The following DAB1 variants were observed in gnomAD, a reference collection of about 807,000 sequenced individuals.
The protein encoded by DAB1 is DAB adaptor protein 1.
In DAB1, 15 loss-of-function variants were observed where a neutral mutation model predicts 64.6. That is an observed-to-expected ratio of 0.23 (90% CI 0.16 to 0.36). The LOEUF (loss-of-function observed/expected upper bound fraction) is 0.36. DAB1 is among the 10% of genes least tolerant of loss of function. DAB1 has a pLI of 1.00. For synonymous variants in DAB1, 235 were observed against 251.9 expected, an observed-to-expected ratio of 0.93 and a Z score of 0.64; for missense variants, 596 against 706.7, an observed-to-expected ratio of 0.84 and a Z score of 1.78.
At chr1:58,371,373 G>T (rs1192363176) in intron 3 of DAB1, among the ~76,000 whole-genome samples, 2 of 152,198 alleles carry the variant, frequency 1.3e-5, no homozygotes, top group Admixed American at 1.3e-4. Flanking sequence ...TTCAAGATGT[G>T]GCCTGGGTGC....
intron 7 of DAB1, among the ~76,000 whole-genome samples, chr1:57,461,277 C>T (rs1315082608): frequency 6.6e-6 from 1 of 152,190 alleles, no homozygotes; most frequent in Non-Finnish European, 1.5e-5. Flanking sequence ...AGAATTTTCC[C>T]TCTTCCATCA....
At chr1:57,882,764 T>G (rs1177167105) in intron 1 of DAB1, among the ~76,000 whole-genome samples, 3 of 152,148 alleles carry the variant, frequency 2.0e-5, no homozygotes, top group Non-Finnish European at 4.4e-5. Context: ...AGCAAACACC[T>G]ATTGAGCACT....
At chr1:58,246,115 G>A (rs1287539051) in intron 4 of DAB1, among the ~76,000 whole-genome samples, 1 of 101,820 alleles carries the variant, frequency 9.8e-6, no homozygotes, top group Non-Finnish European at 2.0e-5. Context: ...AAAAAAGTTT[G>A]TATCAGAATT....
intron 1 of DAB1, among the ~76,000 whole-genome samples, chr1:57,343,017 AGCCTGCTTT>A (rs760075820): frequency 0.51 from 76,937 of 151,156 alleles, 20,309 homozygotes; most frequent in Non-Finnish European, 0.56. Context: ...TGGCTCGGGC[AGCCTGCTTT>A]TATTGTCTTA....
At chr1:58,213,952 C>T (rs148676451) in intron 4 of DAB1, among the ~76,000 whole-genome samples, 18 of 152,316 alleles carry the variant, frequency 1.2e-4, no homozygotes, top group African/African-American at 4.1e-4. Context: ...CTCCAAAGGG[C>T]TTTTAATTGT....
rs1306747088 is a variant in DAB1 at position 58,320,573 on chromosome 1, C to G, written n.309+22779G>C. 2.6e-5 allele frequency among the ~76,000 whole-genome samples: 4 copies of G among 152,182 alleles called. No homozygotes were observed. In the East Asian group the frequency reaches 7.7e-4, roughly 29 times the overall value. ...CATGTCTGCAACCAAATCACATTCT[C>G]AAAGCACCTTCTAGGTTGCCAGTAG... On this transcript the variant is annotated intron_variant and non_coding_transcript_variant, in intron 4 of 20. Coordinates refer to the DAB1 transcript ENST00000485760.
intron 6 of DAB1, among the ~76,000 whole-genome samples, chr1:57,712,282 T>C (rs1466385465): frequency 6.6e-6 from 1 of 152,230 alleles, no homozygotes; most frequent in Non-Finnish European, 1.5e-5. Context: ...AAGTGAGGCC[T>C]ACCTACAAAA....
chr1:57,496,040 C>T (rs894418491), intron 7 of DAB1, among the ~76,000 whole-genome samples: 3 of 152,166 alleles, frequency 2.0e-5, no homozygotes, highest in Admixed American at 1.3e-4. Flanking sequence ...GATTACTGTT[C>T]CATGATGAAC....
chr1:58,047,643 A>T lies in DAB1; in HGVS notation n.387+102868T>A, dbSNP rs79334120. Among the ~76,000 whole-genome samples the T allele has an allele frequency of 3.1e-3, 478 of 152,320 alleles. 1 individual carries two copies. Among genetic ancestry groups the T allele is most frequent in the South Asian group, 8.7e-3 (42 of 4,826 alleles). On this transcript the variant is annotated intron_variant and non_coding_transcript_variant, in intron 5 of 20. Coordinates refer to the DAB1 transcript ENST00000485760. ...CACCTCTCATTCACTAGTCAAAGTA[A>T]TCACATTGAATTACAGCAGAGTAGA...
At chr1:58,202,724 A>G in intron 4 of DAB1, among the ~76,000 whole-genome samples, 1 of 152,260 alleles carries the variant, frequency 6.6e-6, no homozygotes, top group South Asian at 2.1e-4. Flanking sequence ...ATATTATTCT[A>G]TAACAATAAA....
At chr1:57,433,884 TACATGAAGAGA>T (rs2101119451) in intron 7 of DAB1, among the ~76,000 whole-genome samples, 1 of 148,964 alleles carries the variant, frequency 6.7e-6, no homozygotes, top group Non-Finnish European at 1.5e-5. Context: ...TATAAGTAGG[TACATGAAGAGA>T]TGCTCAATAT....
rs191241368 is a variant in DAB1, at chr1:58,245,734, T to G, written n.310-95146A>C. ...CAACACCAGTCACATCGGGCTACTG[T>G]GAAGATTAAGCAAACAATTTTTAAT... On this transcript the variant is annotated intron_variant and non_coding_transcript_variant, in intron 4 of 20. Transcript: ENST00000485760. Among the ~76,000 whole-genome samples the G allele has an allele frequency of 3.0e-3, 456 of 152,278 alleles. 1 individual carries two copies. The highest frequency in any genetic ancestry group is 3.0e-3 in the Non-Finnish European group (201 of 68,036).
intron 4 of DAB1, among the ~76,000 whole-genome samples, chr1:58,249,977 C>A (rs998257216): frequency 2.6e-5 from 4 of 152,230 alleles, no homozygotes; most frequent in African/African-American, 4.8e-5. Context: ...CCCTCCACAG[C>A]CGCCGCGGCA....
At chr1:57,752,118 C>A (rs569027847) in intron 6 of DAB1, among the ~76,000 whole-genome samples, 1 of 152,212 alleles carries the variant, frequency 6.6e-6, no homozygotes, top group Non-Finnish European at 1.5e-5. Flanking sequence ...GGCGCGGATT[C>A]AAACCCACAA....
At chr1:58,157,709 C>T (rs1285045628) in intron 4 of DAB1, among the ~76,000 whole-genome samples, 1 of 152,126 alleles carries the variant, frequency 6.6e-6, no homozygotes, top group Non-Finnish European at 1.5e-5. Context: ...GAATCCAGAA[C>T]CAAATCTGAC....
chr1:57,195,641 C>A (rs905246044), intron 2 of DAB1, among the ~76,000 whole-genome samples: 1 of 152,204 alleles, frequency 6.6e-6, no homozygotes, highest in African/African-American at 2.4e-5. Context: ...CAGACACTAG[C>A]CAGGTGGGAA....
At chr1:57,935,171 A>G (rs1359400662) in intron 5 of DAB1, among the ~76,000 whole-genome samples, 2 of 152,188 alleles carry the variant, frequency 1.3e-5, no homozygotes, top group African/African-American at 2.4e-5. Flanking sequence ...CCATGAGAAG[A>G]AGGAGGGTTT....
At chr1:57,896,287 C>T (rs145252592) in intron 5 of DAB1, among the ~76,000 whole-genome samples, 267 of 152,158 alleles carry the variant, frequency 1.8e-3, no homozygotes, top group African/African-American at 5.1e-3. Flanking sequence ...TATATCAGTG[C>T]TTAGCCTAGG....
intron 3 of DAB1, among the ~76,000 whole-genome samples, chr1:58,421,334 A>G (rs138742342): frequency 1.3e-5 from 2 of 152,324 alleles, no homozygotes; most frequent in East Asian, 3.9e-4. Flanking sequence ...ATTTATTCTC[A>G]AAGTATTTAC....
Sources: gnomAD v4.1 joint callset for allele counts (sites outside exome capture counted in the v4.1 genomes callset) on GRCh38, gnomAD v4.1.1 for gene constraint, MANE v1.5 for transcripts, NCBI Gene and HGNC (gene_info 2026-07-23, HGNC 2026-07-21) for gene names.